Variants in MLXIPL observed in about 807,000 individuals in gnomAD.
MLXIPL encodes the protein carbohydrate-responsive element-binding protein.
Under a neutral mutation model 81.5 loss-of-function variants are expected in MLXIPL, and 49 were observed. That is an observed-to-expected ratio of 0.60 (90% confidence interval 0.48 to 0.76). The LOEUF is 0.76. Ranked by LOEUF, MLXIPL falls within the 30% of genes least tolerant of loss-of-function variation. MLXIPL has a pLI of 0.00. For missense variants in MLXIPL, 1,053 were observed against 1,167.0 expected (o/e 0.90, Z 1.42); for synonymous variants, 466 against 485.5 (o/e 0.96, Z 0.53).
chr7:73,619,339 T>G (rs1796183497), intron 1 of MLXIPL, among the ~76,000 whole-genome samples: 1 of 151,902 alleles, frequency 6.6e-6, no homozygotes, highest in Admixed American at 6.6e-5. Flanking sequence ...CAGGCGTCTG[T>G]AGTCCCAGCT....
At chr7:73,641,741 T>C in the MLXIPL span, among the ~76,000 whole-genome samples, 1 of 152,128 alleles carries the variant, frequency 6.6e-6, no homozygotes, top group African/African-American at 2.4e-5. Flanking sequence ...GTTCAAGGGA[T>C]TCTCCTGCCT....
the MLXIPL span, among the ~76,000 whole-genome samples, chr7:73,643,777 T>G: frequency 6.6e-6 from 1 of 152,114 alleles, no homozygotes; most frequent in Non-Finnish European, 1.5e-5. Flanking sequence ...CACTTTATTT[T>G]ATTTTTTGGA....
intron 9 of MLXIPL, 100 bp from the exon 10 acceptor site, chr7:73,597,032 G>A: frequency 6.7e-7 from 1 of 1,481,782 alleles, no homozygotes; most frequent in South Asian, 1.2e-5. Flanking sequence ...CCCCTTTTAG[G>A]TACAGGCCCC....
At chr7:73,640,763 C>A in the MLXIPL span, among the ~76,000 whole-genome samples, 1 of 130,576 alleles carries the variant, frequency 7.7e-6, no homozygotes, top group Non-Finnish European at 1.6e-5. Flanking sequence ...GGCGACAGAG[C>A]GAGACTCCAT....
At position 73,596,661 on chromosome 7, in the gene MLXIPL, C is replaced by A. The variant is rs373611272; in HGVS notation, c.1800G>T (p.Arg600=). ...SRPLLVPKAE[R]LSPPAPSGSE... Reference sequence around the variant, plus strand: ...TACCGCTGGGCGCTGGGGGTGAGAGCCGCTCCGCTTTGGGGACAAGCAGGG... The same window carrying A: ...TACCGCTGGGCGCTGGGGGTGAGAGACGCTCCGCTTTGGGGACAAGCAGGG... Residue 600 remains arginine (R), a synonymous_variant, in exon 11 of 17, where the codon CGG becomes CGT. Coordinates refer to ENST00000313375, the MANE Select transcript of MLXIPL (RefSeq NM_032951.3). This position sits in a 1 kb window ranked among gnomAD's most constrained non-coding sequence, Gnocchi z 4.7. 4.4e-6 allele frequency: 7 copies of A among 1,591,742 alleles called. No individual in the cohort carries two copies. Among genetic ancestry groups the A allele is most frequent in the South Asian group, 3.4e-5 (3 of 87,740 alleles).
chr7:73,594,553 C>CT (rs782303521), intron 15 of MLXIPL, 150 bp from the exon 16 acceptor site: 59,675 of 695,528 alleles, frequency 0.086, no homozygotes, highest in East Asian at 0.1. Context: ...CCTACTTCTT[C>CT]TTTTTTTTTT....
chr7:73,644,071 A>AT, the MLXIPL span, among the ~76,000 whole-genome samples: 1 of 151,848 alleles, frequency 6.6e-6, no homozygotes, highest in East Asian at 1.9e-4. Context: ...TGCTTGGCTA[A>AT]TTTTTTTGTA....
At chr7:73,630,750 G>A in the MLXIPL span, among the ~76,000 whole-genome samples, 1 of 152,194 alleles carries the variant, frequency 6.6e-6, no homozygotes, top group Non-Finnish European at 1.5e-5. Flanking sequence ...CCATTGTGCA[G>A]GAGGATGTGG....
chr7:73,628,738 G>A (rs35340690), upstream of MLXIPL, among the ~76,000 whole-genome samples: 2 of 152,120 alleles, frequency 1.3e-5, no homozygotes. Context: ...GCTGGCTCAC[G>A]CTCTTGCTGC....
At chr7:73,621,543 C>G (rs938607882) in intron 1 of MLXIPL, among the ~76,000 whole-genome samples, 1 of 151,990 alleles carries the variant, frequency 6.6e-6, no homozygotes, top group Admixed American at 6.6e-5. Flanking sequence ...AATCTGCTCC[C>G]CTCCAGGGGA....
chr7:73,614,322 GA>G (rs1795874786), intron 2 of MLXIPL, among the ~76,000 whole-genome samples: 1 of 152,144 alleles, frequency 6.6e-6, no homozygotes, highest in East Asian at 1.9e-4. Context: ...TACGCTCTGT[GA>G]ACCTGAATAT....
intron 7 of MLXIPL, among the ~76,000 whole-genome samples, chr7:73,604,305 C>T (rs1795116957): frequency 6.7e-6 from 1 of 149,860 alleles, no homozygotes; most frequent in Non-Finnish European, 1.5e-5. Flanking sequence ...GGCACGGTGG[C>T]ACACACCTGT....
In MLXIPL at chr7:73,595,717, G is replaced by A. The variant is rs1794225248; in HGVS notation, c.2230C>T (p.His744Tyr). The A allele has an allele frequency of 6.2e-7, 1 of 1,613,496 alleles. No homozygotes were observed. Reference protein sequence around the residue: ...QLPATGVPITHQRFDQMRDMF... With the variant: ...QLPATGVPITYQRFDQMRDMF... ...TCTCGCATCTGGTCAAAACGCTGGTGTGTGATGGGTACCCCTGTGGCGGGC... is the reference window on the plus strand; with the variant it reads ...TCTCGCATCTGGTCAAAACGCTGGTATGTGATGGGTACCCCTGTGGCGGGC... The change falls in exon 15 of 17, where the codon CAC becomes TAC. Residue 744 changes from histidine (H) to tyrosine (Y), a missense_variant. Physicochemically the swap from His to Tyr is moderately conservative, Grantham distance 83 (BLOSUM62 2). Around this residue, in one of 3 missense-constraint regions of MLXIPL, gnomAD observed 823 missense variants for 933.0 expected, o/e 0.88. Coordinates refer to ENST00000313375, the MANE Select transcript of MLXIPL (RefSeq NM_032951.3).
intron 2 of MLXIPL, among the ~76,000 whole-genome samples, chr7:73,613,507 A>G (rs1795824808): frequency 6.6e-6 from 1 of 152,048 alleles, no homozygotes; most frequent in African/African-American, 2.4e-5. Context: ...GCTGAGGCAC[A>G]ATAATTGCTT....
At chr7:73,629,032 T>C (rs1167564364), upstream of MLXIPL, among the ~76,000 whole-genome samples, 2 of 151,890 alleles carry the variant, frequency 1.3e-5, no homozygotes, top group African/African-American at 2.4e-5. Flanking sequence ...CCCACCACCC[T>C]TGTTCTTTTC....
chr7:73,631,589 G>A, the MLXIPL span, among the ~76,000 whole-genome samples: 1 of 71,894 alleles, frequency 1.4e-5, no homozygotes, highest in Non-Finnish European at 2.9e-5. Flanking sequence ...TTTTTTTTAG[G>A]TAGAGATGGG....
intron 1 of MLXIPL, among the ~76,000 whole-genome samples, chr7:73,620,229 C>A (rs112139215): frequency 0.04 from 6,120 of 151,422 alleles, 167 homozygotes; most frequent in Non-Finnish European, 0.062. Flanking sequence ...CATGGAGAAA[C>A]CCCGTCTCTA....
chr7:73,607,707 T>G, intron 2 of MLXIPL, 35 bp from the exon 3 acceptor site: 1 of 1,589,994 alleles, frequency 6.3e-7, no homozygotes, highest in Non-Finnish European at 8.6e-7. Flanking sequence ...GGCACCCAGC[T>G]TCCTCATCCC....
the MLXIPL span, among the ~76,000 whole-genome samples, chr7:73,638,902 A>C: frequency 3.3e-5 from 5 of 152,098 alleles, no homozygotes; most frequent in Non-Finnish European, 7.4e-5. Flanking sequence ...GGCATGAGCC[A>C]CCATGCTGGG....
Sources: gnomAD v4.1 joint callset for allele counts (sites outside exome capture counted in the v4.1 genomes callset) on GRCh38, gnomAD v4.1.1 for gene constraint, gnomAD v4.1.1 regional missense constraint, Gnocchi (gnomAD v3.1) non-coding constraint, MANE v1.5 for transcripts, NCBI Gene and HGNC (gene_info 2026-07-23, HGNC 2026-07-21) for gene names.